ADAMTSL1: variants seen among roughly 807,000 people sequenced by gnomAD.
ADAMTSL1 encodes the protein ADAMTS-like protein 1.
In ADAMTSL1, 126 loss-of-function variants were observed where a neutral mutation model predicts 201.8. The observed-to-expected ratio is 0.62, with a 90% CI of 0.54 to 0.72. The LOEUF is 0.72. Ranked by LOEUF, ADAMTSL1 falls within the 30% of genes least tolerant of loss-of-function variation. The probability of loss-of-function intolerance (pLI) is 0.00; values close to 1 mark genes in which losing one functional copy is unlikely to be tolerated. For synonymous variants in ADAMTSL1, 1,121 were observed against 903.4 expected (o/e 1.24, Z -4.32); for missense variants, 2,679 against 2,277.8 (o/e 1.18, Z -3.59).
Position 18,055,131 on chromosome 9 carries a change from A to G in ADAMTSL1, c.88-108731A>G, listed in dbSNP as rs114361605. On this transcript the variant is annotated intron_variant, in intron 1 of 29. Coordinates refer to the ADAMTSL1 transcript ENST00000680146. ...CTGCTGAGTGATTTTCCTAAAAAGC[A>G]TAATGAAATTACAGCACTTGGTATC... 8.1e-3 allele frequency among the ~76,000 whole-genome samples: 1,234 copies of G among 152,366 alleles called. 14 individuals are homozygous for G. Among genetic ancestry groups the G allele is most frequent in the African/African-American group, 0.029 (1,186 of 41,586 alleles).
chr9:18,817,955 C>T (rs1033799222), intron 21 of ADAMTSL1, among the ~76,000 whole-genome samples: 9 of 152,138 alleles, frequency 5.9e-5, no homozygotes, highest in Non-Finnish European at 1.2e-4. Context: ...GTGGGCCTTG[C>T]AAACTCAGAG....
At chr9:18,274,885 G>T (rs577044211) in intron 2 of ADAMTSL1, among the ~76,000 whole-genome samples, 1 of 152,280 alleles carries the variant, frequency 6.6e-6, no homozygotes, top group Non-Finnish European at 1.5e-5. Flanking sequence ...GCCAATAAAA[G>T]ATCATTCTGA....
chr9:17,955,195 CT>C (rs765358627), intron 1 of ADAMTSL1, among the ~76,000 whole-genome samples: 4 of 152,078 alleles, frequency 2.6e-5, no homozygotes, highest in Non-Finnish European at 5.9e-5. Flanking sequence ...AAGGGCCTGC[CT>C]TTTGTTTGAA....
At chr9:18,178,089 G>A (rs1828260403) in intron 2 of ADAMTSL1, among the ~76,000 whole-genome samples, 2 of 152,312 alleles carry the variant, frequency 1.3e-5, no homozygotes, top group South Asian at 2.1e-4. Flanking sequence ...GAAGAAGGGT[G>A]ATTTCTGCAT....
chr9:18,202,991 A>G (rs137986960), intron 2 of ADAMTSL1, among the ~76,000 whole-genome samples: 2 of 152,068 alleles, frequency 1.3e-5, no homozygotes, highest in African/African-American at 4.8e-5. Context: ...CTCAATTCTC[A>G]TGGGCCACAA....
intron 13 of ADAMTSL1, among the ~76,000 whole-genome samples, chr9:18,697,990 C>T (rs553539596): frequency 6.6e-6 from 1 of 152,302 alleles, no homozygotes; most frequent in African/African-American, 2.4e-5. Context: ...TCAGTTTCCT[C>T]ATCGGTCTAT....
intron 4 of ADAMTSL1, among the ~76,000 whole-genome samples, chr9:18,589,961 G>C (rs1823801182): frequency 6.6e-6 from 1 of 152,188 alleles, no homozygotes; most frequent in East Asian, 1.9e-4. Context: ...GTTGAATTCT[G>C]TTTGCTAGTA....
chr9:17,969,123 T>A (rs890184189), intron 1 of ADAMTSL1, among the ~76,000 whole-genome samples: 2 of 152,108 alleles, frequency 1.3e-5, no homozygotes, highest in African/African-American at 4.8e-5. Flanking sequence ...ACATTGAGCC[T>A]AATTTTTATA....
At chr9:18,851,356 G>A (rs757498169) in intron 23 of ADAMTSL1, among the ~76,000 whole-genome samples, 18 of 152,098 alleles carry the variant, frequency 1.2e-4, no homozygotes, top group African/African-American at 4.1e-4. Flanking sequence ...GAGGAGGAAG[G>A]TTGTAGTGCT....
At chr9:18,039,590 T>C (rs772588635) in intron 1 of ADAMTSL1, among the ~76,000 whole-genome samples, 5 of 152,132 alleles carry the variant, frequency 3.3e-5, no homozygotes, top group Non-Finnish European at 7.3e-5. Context: ...TCACAATGCA[T>C]TGAGCAAATT....
At chr9:18,353,911 A>G (rs921827506) in intron 2 of ADAMTSL1, among the ~76,000 whole-genome samples, 1 of 152,080 alleles carries the variant, frequency 6.6e-6, no homozygotes, top group Admixed American at 6.5e-5. Flanking sequence ...AATTATAAAG[A>G]AAAATTAAAA....
rs1338444340 is a variant in ADAMTSL1, at chr9:18,909,139, A to T, written c.*591A>T. The T allele has an allele frequency of 6.5e-6, 1 of 152,690 alleles. No individual in the cohort carries two copies. Among genetic ancestry groups the T allele is most frequent in the Non-Finnish European group, 1.5e-5 (1 of 68,386 alleles). The allele number at this position is 152,690 out of a possible 1,614,324, so 9.5% of individuals were successfully genotyped here. ...AGAGAGAAGAACTCAGATCACCAGT[A>T]GGGAGAGGTAAAAAAGCAAACAAAG... On this transcript the variant is annotated 3_prime_UTR_variant, in exon 29 of 29. Coordinates refer to ENST00000380548, the MANE Select transcript of ADAMTSL1 (RefSeq NM_001040272.6).
intron 2 of ADAMTSL1, among the ~76,000 whole-genome samples, chr9:18,273,288 C>T (rs1257716234): frequency 6.6e-6 from 1 of 152,172 alleles, no homozygotes; most frequent in Non-Finnish European, 1.5e-5. Flanking sequence ...ACCATGTTGG[C>T]CAGTTTAGTC....
chr9:18,724,505 CTG>C (rs1817749504), intron 15 of ADAMTSL1, among the ~76,000 whole-genome samples: 1 of 152,206 alleles, frequency 6.6e-6, no homozygotes. Context: ...GGTATTCTGA[CTG>C]TTCCAATTTG....
At chr9:18,589,559 C>G (rs1823776283) in intron 4 of ADAMTSL1, among the ~76,000 whole-genome samples, 2 of 152,024 alleles carry the variant, frequency 1.3e-5, no homozygotes, top group South Asian at 4.1e-4. Flanking sequence ...ATTTAGATGC[C>G]CTTAATTTTT....
At chr9:18,009,302 C>T (rs1165372703) in intron 1 of ADAMTSL1, among the ~76,000 whole-genome samples, 1 of 151,978 alleles carries the variant, frequency 6.6e-6, no homozygotes, top group Non-Finnish European at 1.5e-5. Flanking sequence ...CTAACTGTAC[C>T]CAAAAAGCTG....
At chr9:17,927,578 C>G (rs1826602638) in intron 1 of ADAMTSL1, among the ~76,000 whole-genome samples, 1 of 151,894 alleles carries the variant, frequency 6.6e-6, no homozygotes, top group South Asian at 2.1e-4. Flanking sequence ...TATCTAAAAA[C>G]AATAAAAAAC....
At chr9:18,889,249 G>T (rs1829090498) in intron 24 of ADAMTSL1, among the ~76,000 whole-genome samples, 1 of 152,174 alleles carries the variant, frequency 6.6e-6, no homozygotes, top group African/African-American at 2.4e-5. Flanking sequence ...AAAATAAGAT[G>T]ACCTGTGGCA....
chr9:18,184,819 A>T (rs1828661437), intron 2 of ADAMTSL1, among the ~76,000 whole-genome samples: 1 of 152,222 alleles, frequency 6.6e-6, no homozygotes, highest in Non-Finnish European at 1.5e-5. Context: ...CGTATTAAAT[A>T]CCTGGACTAT....
Sources: allele counts gnomAD v4.1 joint callset (sites outside exome capture counted in the v4.1 genomes callset), GRCh38; gene constraint gnomAD v4.1.1; transcripts MANE v1.5; gene names NCBI Gene and HGNC (gene_info 2026-07-23, HGNC 2026-07-21).